The following ANKS1B variants were observed in gnomAD, a reference collection of about 807,000 sequenced individuals.
ANKS1B encodes the protein ankyrin repeat and sterile alpha motif domain-containing protein 1B.
Under a neutral mutation model 148.3 loss-of-function variants are expected in ANKS1B, and 36 were observed. That is an observed-to-expected ratio of 0.24 (90% CI 0.19 to 0.32). The LOEUF (loss-of-function observed/expected upper bound fraction) is 0.32. Ranked by LOEUF, ANKS1B falls within the 10% of genes least tolerant of loss-of-function variation. The probability of loss-of-function intolerance (pLI) is 1.00; values close to 1 mark genes in which losing one functional copy is unlikely to be tolerated. For missense variants in ANKS1B, 1,157 were observed against 1,542.6 expected, an observed-to-expected ratio of 0.75 and a Z score of 4.19; for synonymous variants, 542 against 560.8, an observed-to-expected ratio of 0.97 and a Z score of 0.47.
intron 15 of ANKS1B, among the ~76,000 whole-genome samples, chr12:99,094,071 C>T (rs2055054543): frequency 6.6e-6 from 1 of 152,172 alleles, no homozygotes; most frequent in Non-Finnish European, 1.5e-5. Flanking sequence ...CAGGCATTGT[C>T]ATTCATTCAT....
chr12:99,881,144 C>T (rs1437370428), intron 1 of ANKS1B, among the ~76,000 whole-genome samples: 2 of 152,182 alleles, frequency 1.3e-5, no homozygotes, highest in East Asian at 1.9e-4. Flanking sequence ...CAGGAGTAGA[C>T]ACCAGCATAC....
chr12:99,932,631 T>G (rs2094650765), intron 1 of ANKS1B, among the ~76,000 whole-genome samples: 2 of 152,198 alleles, frequency 1.3e-5, no homozygotes, highest in Admixed American at 6.5e-5. Context: ...TACTAGATTT[T>G]TTTCCCATAG....
chr12:99,031,385 T>C (rs2099952025), intron 17 of ANKS1B, among the ~76,000 whole-genome samples: 1 of 152,196 alleles, frequency 6.6e-6, no homozygotes, highest in African/African-American at 2.4e-5. Flanking sequence ...CTGTGACAGA[T>C]GTTACCAGTT....
At chr12:99,541,943 T>C (rs2097130415) in intron 9 of ANKS1B, among the ~76,000 whole-genome samples, 1 of 152,076 alleles carries the variant, frequency 6.6e-6, no homozygotes. Context: ...AAGGCGTCTA[T>C]GAAAAACCTA....
chr12:99,476,090 T>C (rs963637953), intron 10 of ANKS1B, among the ~76,000 whole-genome samples: 1 of 152,124 alleles, frequency 6.6e-6, no homozygotes, highest in East Asian at 1.9e-4. Context: ...GATTGATATA[T>C]TTCATTACAT....
At chr12:99,603,392 CA>C (rs1555507648) in intron 9 of ANKS1B, among the ~76,000 whole-genome samples, 2 of 152,074 alleles carry the variant, frequency 1.3e-5, no homozygotes, top group Non-Finnish European at 2.9e-5. Context: ...CAGAAAGTGA[CA>C]TTCTTTAGCC....
At chr12:99,696,759 C>T (rs2153513865) in intron 8 of ANKS1B, among the ~76,000 whole-genome samples, 1 of 152,178 alleles carries the variant, frequency 6.6e-6, no homozygotes, top group South Asian at 2.1e-4. Flanking sequence ...AAATTCTGCT[C>T]TGTGAAAGAT....
At chr12:99,786,976 A>G (rs1261314432) in intron 4 of ANKS1B, among the ~76,000 whole-genome samples, 1 of 152,258 alleles carries the variant, frequency 6.6e-6, no homozygotes, top group Non-Finnish European at 1.5e-5. Context: ...TGAAAGAACT[A>G]GAACAAAAGA....
intron 10 of ANKS1B, among the ~76,000 whole-genome samples, chr12:99,463,953 G>A (rs865932592): frequency 7.8e-4 from 119 of 152,268 alleles, no homozygotes; most frequent in Middle Eastern, 3.4e-3. Flanking sequence ...CTCCCAGCAC[G>A]CAGCTGCAGA....
At position 99,040,264 on chromosome 12, in the gene ANKS1B, ATGTGCG is replaced by A. The variant is rs199584709; in HGVS notation, c.2778+12887_2778+12892del. On this transcript the variant is annotated intron_variant, in intron 17 of 26. Coordinates refer to ENST00000683438, the MANE Select transcript of ANKS1B (RefSeq NM_001352186.2). ...TCTCTCTCACTCTTTCTCTCTCTCT[ATGTGCG>A]TGTGCGTGTGTGTGTGTGTGTGTGT... Among the ~76,000 whole-genome samples the A allele has an allele frequency of 4.8e-4, 72 of 151,162 alleles. 1 individual carries two copies. The East Asian group carries it at 0.012, about 26-fold the overall frequency.
At chr12:98,780,060 G>T (rs909766865) in intron 24 of ANKS1B, among the ~76,000 whole-genome samples, 1 of 152,118 alleles carries the variant, frequency 6.6e-6, no homozygotes, top group Non-Finnish European at 1.5e-5. Flanking sequence ...AGATGCTGGG[G>T]TTTAATAGAG....
chr12:99,160,233 G>T (rs1601261995), intron 14 of ANKS1B, among the ~76,000 whole-genome samples: 1 of 151,940 alleles, frequency 6.6e-6, no homozygotes. Context: ...ATTTAATTAG[G>T]TCCCACTTAT....
At chr12:99,231,256 T>C (rs758169441) in intron 14 of ANKS1B, among the ~76,000 whole-genome samples, 1 of 152,164 alleles carries the variant, frequency 6.6e-6, no homozygotes, top group Admixed American at 6.6e-5. Flanking sequence ...ATGCTGGTAG[T>C]TATGCTTTGC....
intron 16 of ANKS1B, among the ~76,000 whole-genome samples, chr12:99,070,939 A>G (rs2046078349): frequency 6.6e-6 from 1 of 152,238 alleles, no homozygotes; most frequent in Non-Finnish European, 1.5e-5. Context: ...TGCTAGGATT[A>G]CAGGCATAAG....
chr12:99,650,960 A>T (rs1438094671), intron 9 of ANKS1B, among the ~76,000 whole-genome samples: 1 of 152,168 alleles, frequency 6.6e-6, no homozygotes, highest in African/African-American at 2.4e-5. Flanking sequence ...TTTCCATAAC[A>T]CTCATGATTC....
intron 11 of ANKS1B, among the ~76,000 whole-genome samples, chr12:99,415,711 T>C (rs1346727814): frequency 1.3e-5 from 2 of 151,018 alleles, no homozygotes; most frequent in African/African-American, 4.9e-5. Context: ...TGAGAGGGAG[T>C]CTCGCTCTGC....
intron 15 of ANKS1B, among the ~76,000 whole-genome samples, chr12:99,144,906 C>T (rs1158519892): frequency 6.6e-6 from 1 of 152,060 alleles, no homozygotes; most frequent in Non-Finnish European, 1.5e-5. Flanking sequence ...TGGTCTCAGA[C>T]TTCTGGCCTC....
At chr12:98,799,961 T>G (rs2098987110) in intron 21 of ANKS1B, among the ~76,000 whole-genome samples, 1 of 152,086 alleles carries the variant, frequency 6.6e-6, no homozygotes, top group Admixed American at 6.6e-5. Context: ...ACTGGAGACT[T>G]GTACTCTGCA....
At chr12:98,827,464 A>G (rs1306398000) in intron 19 of ANKS1B, among the ~76,000 whole-genome samples, 2 of 152,148 alleles carry the variant, frequency 1.3e-5, no homozygotes, top group South Asian at 2.1e-4. Context: ...CTGGCCAGAT[A>G]AAAGCCCATT....
Sources: allele counts gnomAD v4.1 joint callset (sites outside exome capture counted in the v4.1 genomes callset), GRCh38; gene constraint gnomAD v4.1.1; transcripts MANE v1.5; gene names NCBI Gene and HGNC (gene_info 2026-07-23, HGNC 2026-07-21).